Variants in TBCD observed in about 807,000 individuals in gnomAD.
TBCD encodes the protein tubulin folding cofactor D.
A neutral mutation model predicts 169.3 loss-of-function variants in TBCD; 105 were observed. The observed-to-expected ratio is 0.62, with a 90% CI of 0.53 to 0.73. TBCD has a LOEUF of 0.73. Among genes scored for constraint, TBCD ranks in the 30% least tolerant of loss-of-function variants. The probability of loss-of-function intolerance (pLI) is 0.00; values close to 1 mark genes in which losing one functional copy is unlikely to be tolerated. For missense variants in TBCD, 1,444 were observed against 1,600.1 expected, an observed-to-expected ratio of 0.90 and a Z score of 1.66; for synonymous variants, 700 against 643.9, an observed-to-expected ratio of 1.09 and a Z score of -1.32.
At chr17:82,809,083 G>C (rs2051234428) in intron 11 of TBCD, among the ~76,000 whole-genome samples, 1 of 152,074 alleles carries the variant, frequency 6.6e-6, no homozygotes, top group Non-Finnish European at 1.5e-5. Flanking sequence ...CTGTGCAGGG[G>C]CTCACATAGG....
chr17:82,875,942 C>T (rs145714919), intron 14 of TBCD, among the ~76,000 whole-genome samples: 4 of 152,200 alleles, frequency 2.6e-5, no homozygotes, highest in African/African-American at 9.6e-5. Context: ...AAAATTCAGC[C>T]ATAGGCAGGT....
intron 19 of TBCD, among the ~76,000 whole-genome samples, chr17:82,904,435 G>A (rs934774846): frequency 2.6e-5 from 4 of 152,264 alleles, no homozygotes; most frequent in African/African-American, 9.6e-5. Flanking sequence ...ATTGGGCAGC[G>A]TGTATAGAAA....
At chr17:82,758,415 AT>A (rs2047556012) in intron 2 of TBCD, among the ~76,000 whole-genome samples, 2 of 143,108 alleles carry the variant, frequency 1.4e-5, no homozygotes, top group African/African-American at 5.1e-5. Flanking sequence ...AAATAAATAA[AT>A]AAATTTTTTT....
At chr17:82,839,239 CTG>C (rs936887529) in intron 13 of TBCD, among the ~76,000 whole-genome samples, 2 of 152,208 alleles carry the variant, frequency 1.3e-5, no homozygotes, top group African/African-American at 4.8e-5. Flanking sequence ...CTAAATTCAG[CTG>C]TGTCTAATGT....
chr17:82,758,383 G>A (rs1487517567), intron 2 of TBCD, among the ~76,000 whole-genome samples: 2 of 640 alleles, frequency 3.1e-3, no homozygotes, highest in African/African-American at 5.7e-3. Context: ...AAAACGTCTC[G>A]GAAAAAAAAA....
Position 82,889,670 on chromosome 17 carries a change from C to A in TBCD, c.1536C>A (p.Ala512=). ...TGTGTTTGTTCTTTGCTCCGCAGGCCGCCTTCCAGGAGAATGTGGGGAGAC... is the reference window on the plus strand; with the variant it reads ...TGTGTTTGTTCTTTGCTCCGCAGGCAGCCTTCCAGGAGAATGTGGGGAGAC... ...RDINCRRAAS[A]AFQENVGRQG... The change falls in exon 16 of 39, where the codon GCC becomes GCA. Residue 512 remains alanine (A), a splice_region_variant and synonymous_variant. Transcript: ENST00000355528. This position sits in a 1 kb window ranked among gnomAD's most constrained non-coding sequence, Gnocchi z 5.3. 6.2e-7 allele frequency: 1 copy of A among 1,613,836 alleles called. No individual in the cohort carries two copies. The highest frequency in any genetic ancestry group is 1.1e-5 in the South Asian group (1 of 91,062).
Position 82,880,402 on chromosome 17 carries a change from T to G in TBCD, c.1476-3743T>G, listed in dbSNP as rs76674680. ...GGGTCAACTGATTGCCAACCTTAAT[T>G]CCCCTTTGTCAGGTAAAGGAACATG... On this transcript the variant is annotated intron_variant, in intron 14 of 38. Coordinates refer to ENST00000355528, the MANE Select transcript of TBCD (RefSeq NM_005993.5). The surrounding 1 kb of genome is among the most constrained non-coding windows in gnomAD (Gnocchi z 5.0). Among the ~76,000 whole-genome samples the G allele has an allele frequency of 0.024, 3,618 of 152,272 alleles. 162 individuals are homozygous for G. The highest frequency in any genetic ancestry group is 0.083 in the African/African-American group (3,435 of 41,552).
intron 14 of TBCD, among the ~76,000 whole-genome samples, chr17:82,873,765 C>T (rs766921121): frequency 3.9e-5 from 6 of 152,234 alleles, no homozygotes; most frequent in African/African-American, 7.2e-5. Context: ...CTGGTGCAGG[C>T]GGGCCCCGTG....
rs111568564 is a variant in TBCD at position 82,788,573 on chromosome 17, A to G, written c.771+6852A>G. 1.3e-3 allele frequency among the ~76,000 whole-genome samples: 199 copies of G among 152,342 alleles called. 2 individuals carry two copies. The highest frequency in any genetic ancestry group is 4.7e-3 in the African/African-American group (194 of 41,574). ...TTGTTAAAGGATAAAATAGTCACAC[A>G]CAACAGCATTAAAAACCAAGAAAGC... On this transcript the variant is annotated intron_variant, in intron 7 of 38. Transcript: ENST00000355528.
rs2050922982 is a variant in TBCD at position 82,805,873 on chromosome 17, A to G, written c.951-2A>G. The G allele has an allele frequency of 6.2e-7, 1 of 1,604,884 alleles. No individual in the cohort carries two copies. The highest frequency in any genetic ancestry group is 8.5e-7 in the Non-Finnish European group (1 of 1,172,332). ...GATCTGAGGATGCTTTGCTTTGCACAGGTACCAGCGTGGCTGCCGATCTTT... is the reference window on the plus strand; with the variant it reads ...GATCTGAGGATGCTTTGCTTTGCACGGGTACCAGCGTGGCTGCCGATCTTT... On this transcript the variant is annotated splice_acceptor_variant, in intron 9 of 38. Transcript: ENST00000355528. LOFTEE classifies it high-confidence loss of function.
intron 34 of TBCD, among the ~76,000 whole-genome samples, chr17:82,933,381 T>C (rs563767375): frequency 9.3e-5 from 14 of 150,352 alleles, no homozygotes; most frequent in African/African-American, 3.4e-4. Flanking sequence ...CCCAAGTATC[T>C]GGGACTACAG....
At chr17:82,755,325 CTTAG>C (rs2047346236) in intron 1 of TBCD, among the ~76,000 whole-genome samples, 1 of 152,144 alleles carries the variant, frequency 6.6e-6, no homozygotes, top group African/African-American at 2.4e-5. Flanking sequence ...AGGTACCAGA[CTTAG>C]TTAATTTTCT....
intron 34 of TBCD, among the ~76,000 whole-genome samples, chr17:82,936,675 T>G (rs555387474): frequency 4.9e-4 from 75 of 152,314 alleles, no homozygotes; most frequent in Non-Finnish European, 9.3e-4. Context: ...TTTCCTGGCC[T>G]GTTGGGTGGC....
In TBCD at chr17:82,890,220, C is replaced by T. The variant is rs928857800; in HGVS notation, c.1563+523C>T. Among the ~76,000 whole-genome samples, 8 of 152,134 alleles carry T rather than the reference C, an allele frequency of 5.3e-5. No individual in the cohort carries two copies. The highest frequency in any genetic ancestry group is 3.3e-4 in the Admixed American group (5 of 15,276). ...TCAGCTTCGCCTGTGAATGGGGGGC[C>T]CCAGGTTACTCATGTTGTGTGTGAT... On this transcript the variant is annotated intron_variant, in intron 16 of 38. Coordinates refer to ENST00000355528, the MANE Select transcript of TBCD (RefSeq NM_005993.5). The surrounding 1 kb of genome is among the most constrained non-coding windows in gnomAD (Gnocchi z 5.3).
intron 15 of TBCD, among the ~76,000 whole-genome samples, chr17:82,885,194 C>T (rs1016792656): frequency 1.3e-5 from 2 of 151,642 alleles, no homozygotes; most frequent in East Asian, 1.9e-4. Flanking sequence ...TGTGTGGCCC[C>T]TGGTGAGTGG....
intron 4 of TBCD, among the ~76,000 whole-genome samples, 199 bp from the exon 5 acceptor site, chr17:82,768,221 G>A (rs1351885921): frequency 1.3e-5 from 2 of 152,098 alleles, no homozygotes. Context: ...ACGGCGGTAG[G>A]TGTGTGTGGT....
At chr17:82,763,886 T>G in intron 2 of TBCD, 79 bp from the exon 3 acceptor site, 3 of 1,216,452 alleles carry the variant, frequency 2.5e-6, no homozygotes, top group Non-Finnish European at 3.6e-6. Context: ...AAAACAGGCA[T>G]GAGCCACCAC....
intron 13 of TBCD, among the ~76,000 whole-genome samples, chr17:82,865,311 C>T (rs978570000): frequency 6.6e-6 from 1 of 152,190 alleles, no homozygotes; most frequent in South Asian, 2.1e-4. Context: ...GGGACGGCCA[C>T]GCGGCTCTCG....
chr17:82,860,732 G>T (rs2056686106), intron 13 of TBCD, among the ~76,000 whole-genome samples: 1 of 152,210 alleles, frequency 6.6e-6, no homozygotes, highest in Admixed American at 6.5e-5. Flanking sequence ...ACGGGGTTCG[G>T]TTCCACCCCA....
Sources: allele counts gnomAD v4.1 joint callset (sites outside exome capture counted in the v4.1 genomes callset), GRCh38; gene constraint gnomAD v4.1.1; non-coding constraint Gnocchi (gnomAD v3.1); transcripts MANE v1.5; gene names NCBI Gene and HGNC (gene_info 2026-07-23, HGNC 2026-07-21).